The following ZFPM2 variants were observed in gnomAD, a reference collection of about 807,000 sequenced individuals.
ZFPM2 encodes zinc finger protein ZFPM2.
A neutral mutation model predicts 98.6 loss-of-function variants in ZFPM2; 20 were observed. That is an observed-to-expected ratio of 0.20 (90% CI 0.14 to 0.29). ZFPM2 has a LOEUF of 0.29. ZFPM2 is among the 10% of genes least tolerant of loss of function. The pLI, the probability that ZFPM2 is intolerant of heterozygous loss-of-function variation, is 1.00. For missense variants in ZFPM2, 1,310 were observed against 1,388.6 expected (o/e 0.94, Z 0.90); for synonymous variants, 518 against 502.7 (o/e 1.03, Z -0.41).
At chr8:105,378,115 T>C (rs1353723395) in intron 1 of ZFPM2, among the ~76,000 whole-genome samples, 1 of 152,138 alleles carries the variant, frequency 6.6e-6, no homozygotes, top group Non-Finnish European at 1.5e-5. Flanking sequence ...GGATATTGGA[T>C]GATATAGCCA....
At chr8:105,724,220 T>C (rs531295958) in intron 5 of ZFPM2, among the ~76,000 whole-genome samples, 2 of 152,050 alleles carry the variant, frequency 1.3e-5, no homozygotes, top group South Asian at 4.1e-4. Flanking sequence ...GCAAGATTTC[T>C]ATGCCTGCTG....
chr8:105,634,124 G>A, intron 4 of ZFPM2, 122 bp from the exon 5 acceptor site: 1 of 710,860 alleles, frequency 1.4e-6, no homozygotes, highest in East Asian at 2.8e-5. Context: ...GGGGAATAAG[G>A]ACTTGGATTA....
chr8:105,457,123 G>A (rs1812608872), intron 3 of ZFPM2, among the ~76,000 whole-genome samples: 1 of 152,120 alleles, frequency 6.6e-6, no homozygotes, highest in Admixed American at 6.5e-5. Context: ...TGATATGTTA[G>A]AGGTATGCTT....
intron 4 of ZFPM2, among the ~76,000 whole-genome samples, chr8:105,588,308 A>T (rs1055115414): frequency 6.6e-6 from 1 of 152,192 alleles, no homozygotes; most frequent in Non-Finnish European, 1.5e-5. Context: ...AATTACCCCC[A>T]AAATACTCAC....
rs527335987 is a variant in ZFPM2, at chr8:105,785,740, C to CA, written c.533-2972dup. On this transcript the variant is annotated intron_variant, in intron 5 of 7. Coordinates refer to ENST00000407775, the MANE Select transcript of ZFPM2 (RefSeq NM_012082.4). ...GCAACATAGTGAGACTCCATCTCTA[C>CA]AAAAAATATTTTAAAAAATTGGCCG... 5.2e-4 allele frequency among the ~76,000 whole-genome samples: 79 copies of CA among 151,798 alleles called. No homozygotes were observed. In the East Asian group the frequency reaches 0.014, roughly 28 times the overall value.
intron 1 of ZFPM2, among the ~76,000 whole-genome samples, chr8:105,379,969 C>G (rs1433084718): frequency 3.3e-5 from 5 of 152,012 alleles, no homozygotes. Flanking sequence ...TATTGTAGTC[C>G]TAAGTCCTGA....
At chr8:105,430,089 C>T (rs149716817) in intron 2 of ZFPM2, among the ~76,000 whole-genome samples, 4 of 152,262 alleles carry the variant, frequency 2.6e-5, no homozygotes, top group Admixed American at 6.5e-5. Context: ...AACACCTGAG[C>T]ACTGGGGCAG....
intron 2 of ZFPM2, among the ~76,000 whole-genome samples, chr8:105,427,223 A>G (rs1811933042): frequency 6.6e-6 from 1 of 152,164 alleles, no homozygotes; most frequent in African/African-American, 2.4e-5. Flanking sequence ...ATGACTCAGT[A>G]TTCTATGTAA....
intron 2 of ZFPM2, among the ~76,000 whole-genome samples, chr8:105,426,793 A>G (rs1811920860): frequency 6.6e-6 from 1 of 151,530 alleles, no homozygotes; most frequent in South Asian, 2.1e-4. Flanking sequence ...AAATACAAAA[A>G]ATACAAAAAA....
chr8:105,494,183 GTATATATA>G (rs61035457), intron 3 of ZFPM2, among the ~76,000 whole-genome samples: 6,826 of 59,928 alleles, frequency 0.11, 415 homozygotes, highest in East Asian at 0.26. Context: ...GCCACCAAAA[GTATATATA>G]TATATATATA....
intron 5 of ZFPM2, among the ~76,000 whole-genome samples, chr8:105,652,318 C>T (rs574383260): frequency 2.6e-5 from 2 of 76,308 alleles, no homozygotes; most frequent in South Asian, 6.5e-4. Context: ...AAAATTAAAA[C>T]GTCACCTTAT....
At chr8:105,770,076 A>C (rs1490990010) in intron 5 of ZFPM2, among the ~76,000 whole-genome samples, 3 of 152,054 alleles carry the variant, frequency 2.0e-5, no homozygotes, top group Admixed American at 1.3e-4. Context: ...TATAGGCAGA[A>C]GAGATAGCAG....
At chr8:105,717,910 C>T (rs1811563424) in intron 5 of ZFPM2, among the ~76,000 whole-genome samples, 1 of 151,654 alleles carries the variant, frequency 6.6e-6, no homozygotes, top group Non-Finnish European at 1.5e-5. Context: ...CTCATCATCT[C>T]ATGGTGAAGA....
intron 1 of ZFPM2, among the ~76,000 whole-genome samples, chr8:105,335,397 C>A (rs1208785379): frequency 2.6e-5 from 4 of 151,692 alleles, no homozygotes; most frequent in Non-Finnish European, 5.9e-5. Flanking sequence ...TGAGTTTGGA[C>A]AGAGGTGCTA....
intron 3 of ZFPM2, among the ~76,000 whole-genome samples, chr8:105,543,207 C>G (rs1377468782): frequency 6.6e-6 from 1 of 152,134 alleles, no homozygotes; most frequent in Non-Finnish European, 1.5e-5. Flanking sequence ...AATACAAGGC[C>G]GGGCGTGGTA....
Position 105,754,927 on chromosome 8 carries a change from C to T in ZFPM2, c.533-33791C>T, listed in dbSNP as rs58098783. Among the ~76,000 whole-genome samples, 560 of 149,800 alleles carry T rather than the reference C, an allele frequency of 3.7e-3. 3 individuals carry two copies. The highest frequency in any genetic ancestry group is 0.013 in the African/African-American group (513 of 40,490). ...GTGTCTGCTTTCCCACATTTTGTGA[C>T]GGTCTGGAGAAATTTAATATGTGTG... On this transcript the variant is annotated intron_variant, in intron 5 of 7. Transcript: ENST00000407775.
intron 3 of ZFPM2, among the ~76,000 whole-genome samples, chr8:105,480,650 A>G (rs1010467848): frequency 2.6e-5 from 4 of 152,254 alleles, no homozygotes; most frequent in Non-Finnish European, 4.4e-5. Flanking sequence ...ATATTCTGCA[A>G]AAGTTGAAAA....
chr8:105,604,834 C>T (rs1226780419), intron 4 of ZFPM2, among the ~76,000 whole-genome samples: 2 of 152,002 alleles, frequency 1.3e-5, no homozygotes, highest in Non-Finnish European at 2.9e-5. Context: ...CCTAAAATCA[C>T]CTTATAGTTA....
At chr8:105,619,015 C>T (rs1816475703) in intron 4 of ZFPM2, among the ~76,000 whole-genome samples, 1 of 151,934 alleles carries the variant, frequency 6.6e-6, no homozygotes, top group Non-Finnish European at 1.5e-5. Context: ...TTAATAGATG[C>T]AGAGGTGCAT....
Sources: allele counts gnomAD v4.1 joint callset (sites outside exome capture counted in the v4.1 genomes callset), GRCh38; gene constraint gnomAD v4.1.1; transcripts MANE v1.5; gene names NCBI Gene and HGNC (gene_info 2026-07-23, HGNC 2026-07-21).